The following RASAL2 variants were observed in gnomAD, a reference collection of about 807,000 sequenced individuals.
The protein encoded by RASAL2 is RAS protein activator like 2.
Under a neutral mutation model 128.9 loss-of-function variants are expected in RASAL2, and 58 were observed. The ratio of observed to expected loss-of-function variants is 0.45; its 90% CI spans 0.36 to 0.56. The LOEUF (loss-of-function observed/expected upper bound fraction) is 0.56. Among genes scored for constraint, RASAL2 ranks in the 20% least tolerant of loss-of-function variants. The pLI is 0.00. For synonymous variants in RASAL2, 561 were observed against 580.8 expected (o/e 0.97, Z 0.49); for missense variants, 1,360 against 1,601.6 (o/e 0.85, Z 2.57).
At chr1:178,213,380 C>A (rs1412941301) in intron 1 of RASAL2, among the ~76,000 whole-genome samples, 1 of 152,124 alleles carries the variant, frequency 6.6e-6, no homozygotes, top group Admixed American at 6.6e-5. Flanking sequence ...TACCTTACGA[C>A]CAGCAACTCC....
chr1:178,420,932 A>G (rs769201987), intron 5 of RASAL2, among the ~76,000 whole-genome samples: 3 of 152,188 alleles, frequency 2.0e-5, no homozygotes, highest in African/African-American at 4.8e-5. Context: ...TAGAATGACT[A>G]TAAAGAATAA....
chr1:178,167,627 C>T (rs912144578), intron 1 of RASAL2, among the ~76,000 whole-genome samples: 8 of 152,058 alleles, frequency 5.3e-5, no homozygotes, highest in African/African-American at 9.6e-5. Context: ...ACGGTTGACC[C>T]GAAGCCTTAC....
At chr1:178,439,385 A>G in intron 5 of RASAL2, 37 bp from the exon 6 acceptor site, 1 of 1,548,644 alleles carries the variant, frequency 6.5e-7, no homozygotes, top group Middle Eastern at 1.7e-4. Flanking sequence ...CTTGCTGGCC[A>G]AGTTACACTA....
chr1:178,213,114 C>T (rs947223259), intron 1 of RASAL2, among the ~76,000 whole-genome samples: 5 of 152,120 alleles, frequency 3.3e-5, no homozygotes, highest in Admixed American at 2.6e-4. Flanking sequence ...CGGCTCACCA[C>T]AACCTTGACC....
chr1:178,124,583 G>A (rs1205047036), intron 1 of RASAL2, among the ~76,000 whole-genome samples: 1 of 151,982 alleles, frequency 6.6e-6, no homozygotes, highest in African/African-American at 2.4e-5. Context: ...AGTAAGTTGT[G>A]GTTATTTTAC....
chr1:178,213,983 A>C (rs1044457193), intron 1 of RASAL2, among the ~76,000 whole-genome samples: 1 of 152,056 alleles, frequency 6.6e-6, no homozygotes, highest in Non-Finnish European at 1.5e-5. Flanking sequence ...CATACCTGTA[A>C]TTCTAACACT....
At chr1:178,216,643 T>G (rs1038250077) in intron 1 of RASAL2, among the ~76,000 whole-genome samples, 2 of 151,788 alleles carry the variant, frequency 1.3e-5, no homozygotes, top group African/African-American at 4.9e-5. Context: ...TGGTTATCAG[T>G]TTGTTTGTGT....
intron 3 of RASAL2, among the ~76,000 whole-genome samples, chr1:178,300,378 G>C (rs772830027): frequency 3.3e-5 from 5 of 152,222 alleles, no homozygotes; most frequent in Admixed American, 1.3e-4. Flanking sequence ...ATAATGTGTT[G>C]CTTCTGGGTT....
intron 3 of RASAL2, among the ~76,000 whole-genome samples, chr1:178,362,357 A>G (rs754435887): frequency 1.3e-5 from 2 of 152,140 alleles, no homozygotes; most frequent in African/African-American, 2.4e-5. Context: ...CTTAAGGTCT[A>G]TAACATGATG....
intron 14 of RASAL2, among the ~76,000 whole-genome samples, chr1:178,461,350 A>G (rs758787014): frequency 1.3e-5 from 2 of 152,280 alleles, no homozygotes; most frequent in Non-Finnish European, 2.9e-5. Context: ...ATATCTTAGC[A>G]CAAAGTAGTG....
At chr1:178,378,224 T>C (rs1672098279) in intron 3 of RASAL2, among the ~76,000 whole-genome samples, 1 of 151,584 alleles carries the variant, frequency 6.6e-6, no homozygotes, top group African/African-American at 2.4e-5. Context: ...AGAAAGCTGG[T>C]GTAGCCAGTG....
chr1:178,208,740 T>C (rs1195869162), intron 1 of RASAL2, among the ~76,000 whole-genome samples: 2 of 152,180 alleles, frequency 1.3e-5, no homozygotes, highest in Non-Finnish European at 2.9e-5. Context: ...TTGTACCTAC[T>C]CTCTGTTATT....
intron 1 of RASAL2, among the ~76,000 whole-genome samples, chr1:178,122,560 A>G (rs1659755380): frequency 6.6e-6 from 1 of 152,196 alleles, no homozygotes; most frequent in African/African-American, 2.4e-5. Flanking sequence ...CATCAACTTA[A>G]TGTGTGTCCA....
intron 17 of RASAL2, among the ~76,000 whole-genome samples, chr1:178,469,583 T>C (rs1400528535): frequency 6.6e-6 from 1 of 152,162 alleles, no homozygotes; most frequent in Non-Finnish European, 1.5e-5. Flanking sequence ...ATGGGAGAAA[T>C]GCTATCCTCA....
intron 3 of RASAL2, among the ~76,000 whole-genome samples, chr1:178,362,237 A>G (rs1671157151): frequency 6.6e-6 from 1 of 152,212 alleles, no homozygotes; most frequent in Non-Finnish European, 1.5e-5. Context: ...TAGGTTATAT[A>G]CAAATACTGT....
intron 1 of RASAL2, among the ~76,000 whole-genome samples, chr1:178,138,274 A>C (rs1660400730): frequency 6.6e-6 from 1 of 152,192 alleles, no homozygotes. Context: ...ACCATGCTTA[A>C]AGTCATGAGC....
At chr1:178,147,479 C>CAA (rs71297899) in intron 1 of RASAL2, among the ~76,000 whole-genome samples, 4,498 of 82,808 alleles carry the variant, frequency 0.054, 315 homozygotes, top group African/African-American at 0.17. Context: ...GACTCCGTCT[C>CAA]AAAAAAAAAA....
chr1:178,324,878 G>C (rs906913746), intron 3 of RASAL2, among the ~76,000 whole-genome samples: 1 of 152,074 alleles, frequency 6.6e-6, no homozygotes, highest in African/African-American at 2.4e-5. Context: ...CTGCCTCAAG[G>C]AATGAAGTTT....
intron 5 of RASAL2, 105 bp from the exon 6 acceptor site, chr1:178,439,317 C>T: frequency 9.9e-7 from 1 of 1,005,082 alleles, no homozygotes; most frequent in Non-Finnish European, 1.4e-6. Context: ...TCATTTATTT[C>T]TTCCCTTAGG....
Sources: gnomAD v4.1 joint callset for allele counts (sites outside exome capture counted in the v4.1 genomes callset) on GRCh38, gnomAD v4.1.1 for gene constraint, MANE v1.5 for transcripts, NCBI Gene and HGNC (gene_info 2026-07-23, HGNC 2026-07-21) for gene names.